CEP112: variants seen among roughly 807,000 people sequenced by gnomAD.
The protein encoded by CEP112 is centrosomal protein 112.
Under a neutral mutation model 153.0 loss-of-function variants are expected in CEP112, and 127 were observed. The observed-to-expected ratio is 0.83, with a 90% CI of 0.72 to 0.96. The LOEUF (loss-of-function observed/expected upper bound fraction) is 0.96, where lower values mean the gene tolerates loss of function less well. Among genes scored for constraint, CEP112 ranks in the 40% least tolerant of loss-of-function variants. CEP112 has a pLI of 0.00. For missense variants in CEP112, 1,089 were observed against 1,101.2 expected (o/e 0.99, Z 0.16); for synonymous variants, 358 against 374.4 (o/e 0.96, Z 0.51).
chr17:65,797,250 C>T (rs1374785181), intron 21 of CEP112: 2 of 152,242 alleles, frequency 1.3e-5, no homozygotes, highest in East Asian at 1.9e-4. Flanking sequence ...GAGTCATACA[C>T]TCACCACCCA....
chr17:66,107,060 T>C (rs955812186), intron 6 of CEP112, among the ~76,000 whole-genome samples: 5 of 152,162 alleles, frequency 3.3e-5, no homozygotes, highest in African/African-American at 9.6e-5. Context: ...AACATTTCAA[T>C]TGATGCTGAA....
intron 17 of CEP112, among the ~76,000 whole-genome samples, chr17:65,979,547 T>C (rs1415327822): frequency 1.3e-5 from 2 of 152,164 alleles, no homozygotes; most frequent in African/African-American, 2.4e-5. Context: ...GGCCTTAGGC[T>C]CTTTCTAAAT....
In CEP112 at chr17:65,713,832, CCCG is replaced by C. The variant is rs1228753296; in HGVS notation, c.2608-24617_2608-24615del. On this transcript the variant is annotated intron_variant, in intron 23 of 26. Coordinates refer to ENST00000535342, the MANE Select transcript of CEP112 (RefSeq NM_001199165.4). Reference sequence around the variant, plus strand: ...CTCGATCTCCTGACCTCGTGATCCGCCCGCCTCGGCCTCCCAAAGTGCTGGGAT... The same window carrying C: ...CTCGATCTCCTGACCTCGTGATCCGCCCTCGGCCTCCCAAAGTGCTGGGAT... 7.9e-5 allele frequency among the ~76,000 whole-genome samples: 12 copies of C among 152,260 alleles called. No homozygotes were observed. The East Asian group carries it at 2.3e-3, about 29-fold the overall frequency.
At chr17:65,939,012 A>G (rs2061433276) in intron 18 of CEP112, among the ~76,000 whole-genome samples, 1 of 152,036 alleles carries the variant, frequency 6.6e-6, no homozygotes, top group African/African-American at 2.4e-5. Context: ...GGGTTTGACC[A>G]TGTTGGTCAG....
At chr17:65,701,626 G>C (rs567408335) in intron 23 of CEP112, among the ~76,000 whole-genome samples, 67 of 152,030 alleles carry the variant, frequency 4.4e-4, no homozygotes, top group Middle Eastern at 3.2e-3. Flanking sequence ...ACCCAGGATC[G>C]CACAAATCCT....
intron 20 of CEP112, among the ~76,000 whole-genome samples, chr17:65,882,318 G>A (rs2059109847): frequency 6.6e-6 from 1 of 152,180 alleles, no homozygotes; most frequent in Admixed American, 6.5e-5. Flanking sequence ...AGGATTAAGT[G>A]GGTCTTATTC....
intron 24 of CEP112, among the ~76,000 whole-genome samples, chr17:65,677,101 T>C (rs1031184279): frequency 2.0e-5 from 3 of 152,186 alleles, no homozygotes; most frequent in Non-Finnish European, 4.4e-5. Flanking sequence ...TCCTTCTTAT[T>C]AATAATAAAA....
chr17:66,059,278 C>G (rs1012022150), intron 11 of CEP112, among the ~76,000 whole-genome samples: 1 of 151,846 alleles, frequency 6.6e-6, no homozygotes, highest in Non-Finnish European at 1.5e-5. Flanking sequence ...AAAGCAATTG[C>G]AACAAAAATA....
intron 6 of CEP112, among the ~76,000 whole-genome samples, chr17:66,127,870 T>C (rs1256844288): frequency 6.6e-6 from 1 of 152,200 alleles, no homozygotes; most frequent in African/African-American, 2.4e-5. Context: ...AACATTTCCG[T>C]TTCTCAGAAC....
intron 11 of CEP112, among the ~76,000 whole-genome samples, chr17:66,057,170 C>T (rs756428364): frequency 5.3e-5 from 8 of 152,208 alleles, no homozygotes; most frequent in Non-Finnish European, 8.8e-5. Flanking sequence ...CATGGAATGA[C>T]GACGGACAGA....
At chr17:66,001,062 T>C (rs927170121) in intron 17 of CEP112, among the ~76,000 whole-genome samples, 2 of 152,182 alleles carry the variant, frequency 1.3e-5, no homozygotes, top group Non-Finnish European at 2.9e-5. Context: ...GGTTCTATCA[T>C]TATCAAATAA....
intron 18 of CEP112, among the ~76,000 whole-genome samples, chr17:65,938,861 G>C (rs1458114333): frequency 6.6e-6 from 1 of 152,100 alleles, no homozygotes; most frequent in Non-Finnish European, 1.5e-5. Context: ...GCCCAGGCTG[G>C]AGTGCAATGG....
chr17:65,685,908 G>A (rs1439857351), intron 24 of CEP112, among the ~76,000 whole-genome samples: 1 of 151,786 alleles, frequency 6.6e-6, no homozygotes, highest in Non-Finnish European at 1.5e-5. Context: ...CCTAACCTCA[G>A]GTGATCGGCT....
At chr17:65,755,200 G>A (rs1057474999) in intron 21 of CEP112, among the ~76,000 whole-genome samples, 5 of 152,150 alleles carry the variant, frequency 3.3e-5, no homozygotes, top group Non-Finnish European at 7.4e-5. Context: ...CAGGGTGTAC[G>A]GGAAGCATGG....
At chr17:65,745,966 C>T (rs996754357) in intron 22 of CEP112, among the ~76,000 whole-genome samples, 10 of 151,852 alleles carry the variant, frequency 6.6e-5, no homozygotes, top group Non-Finnish European at 1.3e-4. Context: ...GAGTTCGAGA[C>T]CAGCCTGGCC....
At chr17:66,071,063 A>C (rs562059746) in intron 8 of CEP112, among the ~76,000 whole-genome samples, 1 of 152,354 alleles carries the variant, frequency 6.6e-6, no homozygotes, top group Non-Finnish European at 1.5e-5. Flanking sequence ...TAATATTATT[A>C]ATGTACCTTC....
chr17:66,065,001 T>G (rs184137451), intron 10 of CEP112, among the ~76,000 whole-genome samples: 1 of 152,212 alleles, frequency 6.6e-6, no homozygotes, highest in Non-Finnish European at 1.5e-5. Context: ...TTCACTCAGA[T>G]ATACTCAGGT....
At chr17:65,901,275 G>C (rs1295588214) in intron 20 of CEP112, among the ~76,000 whole-genome samples, 2 of 152,132 alleles carry the variant, frequency 1.3e-5, no homozygotes, top group African/African-American at 4.8e-5. Flanking sequence ...GGGGTATTTA[G>C]ACCTAGTATA....
At chr17:65,662,313 A>G (rs1486555192) in intron 24 of CEP112, among the ~76,000 whole-genome samples, 1 of 152,314 alleles carries the variant, frequency 6.6e-6, no homozygotes, top group African/African-American at 2.4e-5. Flanking sequence ...AACCAGTGCA[A>G]CCTTAAGAAA....
Sources: allele counts gnomAD v4.1 joint callset (sites outside exome capture counted in the v4.1 genomes callset), GRCh38; gene constraint gnomAD v4.1.1; transcripts MANE v1.5; gene names NCBI Gene and HGNC (gene_info 2026-07-23, HGNC 2026-07-21).